TAS2R4: variants seen among roughly 807,000 people sequenced by gnomAD.
The protein encoded by TAS2R4 is taste receptor type 2 member 4.
A neutral mutation model predicts 14.3 loss-of-function variants in TAS2R4; 18 were observed. The ratio of observed to expected loss-of-function variants is 1.26; its 90% CI spans 0.87 to 1.86. TAS2R4 has a LOEUF of 1.86. Among genes scored for constraint, TAS2R4 ranks in the 40% most tolerant of loss-of-function variants. The pLI, the probability that TAS2R4 is intolerant of heterozygous loss-of-function variation, is 0.00. For missense variants in TAS2R4, 306 were observed against 342.7 expected, an observed-to-expected ratio of 0.89 and a Z score of 0.85; for synonymous variants, 130 against 138.5, an observed-to-expected ratio of 0.94 and a Z score of 0.43.
chr7:141,779,154 G>T lies in TAS2R4; in HGVS notation c.666G>T (p.Thr222=). The change falls in exon 1 of 1, where the codon ACG becomes ACT. Residue 222 remains threonine, a synonymous_variant. Coordinates refer to ENST00000247881, the MANE Select transcript of TAS2R4 (RefSeq NM_016944.2). ...CCACTGGTTTCTGGAATCCCCAGAC[G>T]GAAGCTCATGTAGGTGCTATGAAGC... The part of the protein sequence containing the change: ...KNATGFWNPQ[T]EAHVGAMKLM... The T allele has an allele frequency of 6.2e-7, 1 of 1,614,088 alleles. No individual in the cohort carries two copies. The highest frequency in any genetic ancestry group is 8.5e-7 in the Non-Finnish European group (1 of 1,179,966).
In TAS2R4 at chr7:141,779,357, C is replaced by T; in HGVS notation, c.869C>T (p.Thr290Ile). The T allele has an allele frequency of 6.2e-7, 1 of 1,604,806 alleles. No individual in the cohort carries two copies. The highest frequency in any genetic ancestry group is 8.5e-7 in the Non-Finnish European group (1 of 1,174,056). ...ATCACACATCCTAAACTGAAAACAA[C>T]AGCAAAGAAGATTCTTTGTTTCAAA... ...IIITHPKLKT[T>I]AKKILCFKK The change falls in exon 1 of 1, where the codon ACA becomes ATA. Residue 290 changes from threonine (T) to isoleucine (I), a missense_variant. Coordinates refer to ENST00000247881, the MANE Select transcript of TAS2R4 (RefSeq NM_016944.2).
rs1022794602 is a variant in TAS2R4 at position 141,780,661 on chromosome 7, G to C, written c.*1273G>C. On this transcript the variant is annotated 3_prime_UTR_variant, in exon 1 of 1. Coordinates refer to ENST00000247881, the MANE Select transcript of TAS2R4 (RefSeq NM_016944.2). Reference sequence around the variant, plus strand: ...CTGTGGCTGGGACCATTGGACTGTGGCTCCAAAAGAACAACAGTCTGAAGA... The same window carrying C: ...CTGTGGCTGGGACCATTGGACTGTGCCTCCAAAAGAACAACAGTCTGAAGA... 1 of 152,072 alleles carries C rather than the reference G, an allele frequency of 6.6e-6. No homozygotes were observed. Among genetic ancestry groups the C allele is most frequent in the Non-Finnish European group, 1.5e-5 (1 of 68,008 alleles). The allele number at this position is 152,072 out of a possible 1,614,324, so 9.4% of individuals were successfully genotyped here.
chr7:141,779,645 T>C lies in TAS2R4; in HGVS notation c.*257T>C. The C allele has an allele frequency of 2.6e-6, 1 of 384,332 alleles. No homozygotes were observed. Among genetic ancestry groups the C allele is most frequent in the Non-Finnish European group, 4.7e-6 (1 of 214,460 alleles). 23.8% of individuals were successfully genotyped at this position (384,332 alleles called of 1,614,324 possible). A position where few individuals can be genotyped will look rare whatever the true frequency, so the allele number is the denominator to read the frequency against. ...GTATTTTGCATGGCCATTGAATCCA[T>C]GTATAATGGAAATCATCACATTGTT... On this transcript the variant is annotated 3_prime_UTR_variant, in exon 1 of 1. Transcript: ENST00000247881.
Position 141,777,912 on chromosome 7 carries a change from G to A in TAS2R4, c.-577G>A, listed in dbSNP as rs181252677. ...TTGATCTATTAGATCACTGTAAATC[G>A]CTATAGGTGAATCACTGAGGTTGAA... On this transcript the variant is annotated 5_prime_UTR_variant, in exon 1 of 1. Coordinates refer to ENST00000247881, the MANE Select transcript of TAS2R4 (RefSeq NM_016944.2). 2.9e-3 allele frequency among the ~76,000 whole-genome samples: 438 copies of A among 152,258 alleles called. 1 individual carries two copies. The highest frequency in any genetic ancestry group is 4.7e-3 in the African/African-American group (195 of 41,532).
chr7:141,779,233 C>G lies in TAS2R4; in HGVS notation c.745C>G (p.Gln249Glu), dbSNP rs370122253. The change falls in exon 1 of 1, where the codon CAG (glutamine) becomes GAG (glutamate). Residue 249 changes from glutamine to glutamate, a missense_variant. Physicochemically the swap from Gln to Glu is conservative, Grantham distance 29. Coordinates refer to ENST00000247881, the MANE Select transcript of TAS2R4 (RefSeq NM_016944.2). ...TCCATATTCAGTTGCTACCCTGGTCCAGTATCTCCCCTTTTATGCAGGGAT... is the reference window on the plus strand; with the variant it reads ...TCCATATTCAGTTGCTACCCTGGTCGAGTATCTCCCCTTTTATGCAGGGAT... ...YIPYSVATLV[Q>E]YLPFYAGMDM... 6.2e-7 allele frequency: 1 copy of G among 1,614,200 alleles called. No homozygotes were observed. The highest frequency in any genetic ancestry group is 1.3e-5 in the African/African-American group (1 of 75,042).
rs944597649 is a variant in TAS2R4, at chr7:141,779,493, G to C, written c.*105G>C. 8.7e-7 allele frequency: 1 copy of C among 1,148,364 alleles called. No homozygotes were observed. Among genetic ancestry groups the C allele is most frequent in the Non-Finnish European group, 1.2e-6 (1 of 840,890 alleles). The allele number at this position is 1,148,364 out of a possible 1,614,324, so 71.1% of individuals were successfully genotyped here. On this transcript the variant is annotated 3_prime_UTR_variant, in exon 1 of 1. Transcript: ENST00000247881. Reference sequence around the variant, plus strand: ...TGGGGAATTCAGTTTTGTGATTGCTGATCTGACATCATAGGCTTTTGAGTG... The same window carrying C: ...TGGGGAATTCAGTTTTGTGATTGCTCATCTGACATCATAGGCTTTTGAGTG...
chr7:141,780,334 G>A lies in TAS2R4; in HGVS notation c.*946G>A, dbSNP rs1404718697. 1 of 152,164 alleles carries A rather than the reference G, an allele frequency of 6.6e-6. No individual in the cohort carries two copies. The highest frequency in any genetic ancestry group is 2.4e-5 in the African/African-American group (1 of 41,440). The allele number at this position is 152,164 out of a possible 1,614,324, so 9.4% of individuals were successfully genotyped here. A position where few individuals can be genotyped will look rare whatever the true frequency, so the allele number is the denominator to read the frequency against. On this transcript the variant is annotated 3_prime_UTR_variant, in exon 1 of 1. Coordinates refer to ENST00000247881, the MANE Select transcript of TAS2R4 (RefSeq NM_016944.2). ...TTTCTAGGCTTGTTCTGGAAAAGAG[G>A]ATATTGCCAGAGTTGGTAAGTAGAG...
chr7:141,779,204 A>G lies in TAS2R4; in HGVS notation c.716A>G (p.Tyr239Cys), dbSNP rs117253829. The change falls in exon 1 of 1, where the codon TAC becomes TGC. Residue 239 changes from tyrosine to cysteine, a missense_variant. Tyr to Cys is a radical substitution (Grantham distance 194, BLOSUM62 -2). Transcript: ENST00000247881. Reference sequence around the variant, plus strand: ...CTGATGGTCTATTTCCTCATCCTCTACATTCCATATTCAGTTGCTACCCTG... The same window carrying G: ...CTGATGGTCTATTTCCTCATCCTCTGCATTCCATATTCAGTTGCTACCCTG... ...MKLMVYFLILYIPYSVATLVQ... is the reference protein window; with the variant it reads ...MKLMVYFLILCIPYSVATLVQ... 6.8e-6 allele frequency: 11 copies of G among 1,614,178 alleles called. No homozygotes were observed. Among genetic ancestry groups the G allele is most frequent in the Non-Finnish European group, 8.5e-6 (10 of 1,180,018 alleles).
rs117584453 is a variant in TAS2R4 at position 141,779,404 on chromosome 7, C to T, written c.*16C>T. ...CAAAAAATAGTGGAATTTCAGTAAACAATACCTAGATTTACCTGATGGTTT... is the reference window on the plus strand; with the variant it reads ...CAAAAAATAGTGGAATTTCAGTAAATAATACCTAGATTTACCTGATGGTTT... On this transcript the variant is annotated 3_prime_UTR_variant, in exon 1 of 1. Transcript: ENST00000247881. 28 of 1,582,406 alleles carry T rather than the reference C, an allele frequency of 1.8e-5. No homozygotes were observed. The highest frequency in any genetic ancestry group is 2.4e-5 in the Non-Finnish European group (28 of 1,162,316).
At position 141,779,635 on chromosome 7, in the gene TAS2R4, A is replaced by C; in HGVS notation, c.*247A>C. 1 of 414,630 alleles carries C rather than the reference A, an allele frequency of 2.4e-6. No individual in the cohort carries two copies. Among genetic ancestry groups the C allele is most frequent in the African/African-American group, 2.0e-5 (1 of 49,878 alleles). The allele number at this position is 414,630 out of a possible 1,614,324, so 25.7% of individuals were successfully genotyped here. A position where few individuals can be genotyped will look rare whatever the true frequency, so the allele number is the denominator to read the frequency against. On this transcript the variant is annotated 3_prime_UTR_variant, in exon 1 of 1. Coordinates refer to ENST00000247881, the MANE Select transcript of TAS2R4 (RefSeq NM_016944.2). ...TATTTGTCATGTATTTTGCATGGCC[A>C]TTGAATCCATGTATAATGGAAATCA...
Position 141,778,707 on chromosome 7 carries a change from T to G in TAS2R4, c.219T>G (p.Asn73Lys). 1.9e-6 allele frequency: 3 copies of G among 1,614,210 alleles called. No homozygotes were observed. Among genetic ancestry groups the G allele is most frequent in the Non-Finnish European group, 2.5e-6 (3 of 1,180,038 alleles). The change falls in exon 1 of 1, where the codon AAT becomes AAG. Residue 73 changes from asparagine to lysine, a missense_variant. Physicochemically the swap from Asn to Lys is moderately conservative, Grantham distance 94. Coordinates refer to ENST00000247881, the MANE Select transcript of TAS2R4 (RefSeq NM_016944.2). ...LVNTIYFVSS[N>K]TERSVYLSAF... ...ACACCATCTACTTCGTCTCTTCAAATACGGAAAGGTCAGTCTACCTGTCTG... is the reference window on the plus strand; with the variant it reads ...ACACCATCTACTTCGTCTCTTCAAAGACGGAAAGGTCAGTCTACCTGTCTG...
Position 141,777,645 on chromosome 7 carries a change from G to C in TAS2R4, c.-844G>C, listed in dbSNP as rs1312010162. The stretch of plus-strand genomic sequence containing the variant: ...GCATTACTGTGTATCTCATTCCAGG[G>C]TACCTGGATTGACAGTTAAATGCCT... On this transcript the variant is annotated 5_prime_UTR_variant, in exon 1 of 1. Transcript: ENST00000247881. Among the ~76,000 whole-genome samples, 1 of 152,128 alleles carries C rather than the reference G, an allele frequency of 6.6e-6. No homozygotes were observed. Among genetic ancestry groups the C allele is most frequent in the African/African-American group, 2.4e-5 (1 of 41,426 alleles).
chr7:141,779,193 C>A lies in TAS2R4; in HGVS notation c.705C>A (p.Phe235Leu). The A allele has an allele frequency of 1.2e-6, 2 of 1,614,140 alleles. No individual in the cohort carries two copies. The highest frequency in any genetic ancestry group is 1.7e-6 in the Non-Finnish European group (2 of 1,180,012). Residue 235 changes from phenylalanine (F) to leucine (L), a missense_variant, in exon 1 of 1, where the codon TTC becomes TTA. Coordinates refer to ENST00000247881, the MANE Select transcript of TAS2R4 (RefSeq NM_016944.2). ...GTGCTATGAAGCTGATGGTCTATTT[C>A]CTCATCCTCTACATTCCATATTCAG... ...HVGAMKLMVY[F>L]LILYIPYSVA... is the part of the protein sequence containing the mutation.
At position 141,779,648 on chromosome 7, in the gene TAS2R4, A is replaced by G. The variant is rs1177394632; in HGVS notation, c.*260A>G. On this transcript the variant is annotated 3_prime_UTR_variant, in exon 1 of 1. Coordinates refer to ENST00000247881, the MANE Select transcript of TAS2R4 (RefSeq NM_016944.2). ...TTTTGCATGGCCATTGAATCCATGT[A>G]TAATGGAAATCATCACATTGTTTCA... 5.3e-6 allele frequency: 2 copies of G among 377,386 alleles called. No homozygotes were observed. The highest frequency in any genetic ancestry group is 4.1e-5 in the African/African-American group (2 of 48,626). 23.4% of individuals were successfully genotyped at this position (377,386 alleles called of 1,614,324 possible). A position where few individuals can be genotyped will look rare whatever the true frequency, so the allele number is the denominator to read the frequency against.
At position 141,779,086 on chromosome 7, in the gene TAS2R4, A is replaced by G. The variant is rs1334626060; in HGVS notation, c.598A>G (p.Ile200Val). Reference sequence around the variant, plus strand: ...TAATGTGACTTCTGCTTCCTTGCTAATACACTCCTTGAGGAGACATATACA... The same window carrying G: ...TAATGTGACTTCTGCTTCCTTGCTAGTACACTCCTTGAGGAGACATATACA... The part of the protein sequence containing the change: ...IINVTSASLL[I>V]HSLRRHIQKM... The change falls in exon 1 of 1, where the codon ATA becomes GTA. Residue 200 changes from isoleucine (I) to valine (V), a missense_variant. Coordinates refer to ENST00000247881, the MANE Select transcript of TAS2R4 (RefSeq NM_016944.2). 3 of 1,614,034 alleles carry G rather than the reference A, an allele frequency of 1.9e-6. No individual in the cohort carries two copies. The highest frequency in any genetic ancestry group is 2.5e-6 in the Non-Finnish European group (3 of 1,180,046).
rs1488082505 is a variant in TAS2R4 at position 141,781,592 on chromosome 7, A to T, written c.*2204A>T. Among the ~76,000 whole-genome samples, 1 of 152,128 alleles carries T rather than the reference A, an allele frequency of 6.6e-6. No individual in the cohort carries two copies. Among genetic ancestry groups the T allele is most frequent in the Non-Finnish European group, 1.5e-5 (1 of 68,012 alleles). On this transcript the variant is annotated 3_prime_UTR_variant, in exon 1 of 1. Coordinates refer to ENST00000247881, the MANE Select transcript of TAS2R4 (RefSeq NM_016944.2). ...TATAATACCATTTTTTTTGGTAAAA[A>T]TGTGTACATATGAAGAAAAGTCTAA...
Position 141,778,524 on chromosome 7 carries a change from C to T in TAS2R4, c.36C>T (p.Ala12=), listed in dbSNP as rs758561157. 4.3e-6 allele frequency: 7 copies of T among 1,613,622 alleles called. No individual in the cohort carries two copies. In the East Asian group the frequency reaches 1.3e-4, roughly 31 times the overall value. ...TATTCTATTTCTCTGCTATTATTGC[C>T]TCAGTTATTTTAAATTTTGTAGGAA... The part of the protein sequence containing the change: ...LRLFYFSAII[A]SVILNFVGII... Residue 12 remains alanine, a synonymous_variant, in exon 1 of 1, where the codon GCC becomes GCT. Transcript: ENST00000247881.
chr7:141,776,803 A>G lies in TAS2R4; in HGVS notation c.-1686A>G, dbSNP rs1261921782. Among the ~76,000 whole-genome samples the G allele has an allele frequency of 6.6e-6, 1 of 152,136 alleles. No homozygotes were observed. Among genetic ancestry groups the G allele is most frequent in the Non-Finnish European group, 1.5e-5 (1 of 68,026 alleles). ...GTCAAATTCTCATGCATAGGGAGAA[A>G]GGGTTCTGCTAACACTTTTCCTATA... On this transcript the variant is annotated 5_prime_UTR_variant, in exon 1 of 1. Coordinates refer to ENST00000247881, the MANE Select transcript of TAS2R4 (RefSeq NM_016944.2).
chr7:141,779,404 C>G lies in TAS2R4; in HGVS notation c.*16C>G, dbSNP rs117584453. The G allele has an allele frequency of 4.1e-4, 645 of 1,582,522 alleles. 3 individuals carry two copies. The highest frequency in any genetic ancestry group is 3.5e-3 in the Middle Eastern group (20 of 5,780). Reference sequence around the variant, plus strand: ...CAAAAAATAGTGGAATTTCAGTAAACAATACCTAGATTTACCTGATGGTTT... The same window carrying G: ...CAAAAAATAGTGGAATTTCAGTAAAGAATACCTAGATTTACCTGATGGTTT... On this transcript the variant is annotated 3_prime_UTR_variant, in exon 1 of 1. Transcript: ENST00000247881.
Sources: allele counts gnomAD v4.1 joint callset (sites outside exome capture counted in the v4.1 genomes callset), GRCh38; gene constraint gnomAD v4.1.1; transcripts MANE v1.5; gene names NCBI Gene and HGNC (gene_info 2026-07-23, HGNC 2026-07-21).